GABRB1: variants seen among roughly 807,000 people sequenced by gnomAD.
GABRB1 encodes gamma-aminobutyric acid type A receptor subunit beta1.
Under a neutral mutation model 51.6 loss-of-function variants are expected in GABRB1, and 17 were observed. The observed-to-expected ratio is 0.33, with a 90% CI of 0.23 to 0.49. The LOEUF (loss-of-function observed/expected upper bound fraction) is 0.49, where lower values mean the gene tolerates loss of function less well. Among genes scored for constraint, GABRB1 ranks in the 20% least tolerant of loss-of-function variants. GABRB1 has a pLI of 0.99. For missense variants in GABRB1, 410 were observed against 600.6 expected, an observed-to-expected ratio of 0.68 and a Z score of 3.32; for synonymous variants, 247 against 218.9, an observed-to-expected ratio of 1.13 and a Z score of -1.14.
Position 47,392,603 on chromosome 4 carries a change from A to C in GABRB1, c.545-10715A>C, listed in dbSNP as rs181885931. ...TAGATCTGCCCGCCTTGGCCTCCCA[A>C]AGTGTTGGGATTACAGGCGTGAGCC... On this transcript the variant is annotated intron_variant, in intron 5 of 8. Transcript: ENST00000295454. Among the ~76,000 whole-genome samples the C allele has an allele frequency of 3.5e-3, 537 of 152,140 alleles. 2 individuals carry two copies. The highest frequency in any genetic ancestry group is 5.8e-3 in the Non-Finnish European group (392 of 67,992).
intron 4 of GABRB1, among the ~76,000 whole-genome samples, chr4:47,305,515 A>G (rs1724433284): frequency 6.6e-6 from 1 of 152,120 alleles, no homozygotes. Flanking sequence ...TCTGTGTCAG[A>G]CACTGAGCTG....
chr4:47,368,856 G>A (rs777993758), intron 5 of GABRB1, among the ~76,000 whole-genome samples: 2 of 151,894 alleles, frequency 1.3e-5, no homozygotes, highest in Admixed American at 6.6e-5. Context: ...GCCTGTAATC[G>A]CAACACTTTG....
intron 8 of GABRB1, among the ~76,000 whole-genome samples, chr4:47,422,866 G>C (rs958312995): frequency 6.6e-6 from 1 of 152,098 alleles, no homozygotes; most frequent in Admixed American, 6.5e-5. Context: ...AGCCTAACAG[G>C]CTGACAGTTT....
intron 4 of GABRB1, among the ~76,000 whole-genome samples, chr4:47,252,296 TG>T (rs569496987): frequency 1.3e-5 from 2 of 151,874 alleles, no homozygotes; most frequent in East Asian, 2.0e-4. Context: ...GTTTCTCCAG[TG>T]GGGGGTGTTT....
At chr4:47,334,870 A>G (rs970760532) in intron 5 of GABRB1, among the ~76,000 whole-genome samples, 10 of 152,172 alleles carry the variant, frequency 6.6e-5, no homozygotes, top group African/African-American at 2.4e-4. Flanking sequence ...GATGTGTTAA[A>G]GCTCTAGCTT....
At chr4:47,180,706 C>T (rs1718906736) in intron 4 of GABRB1, among the ~76,000 whole-genome samples, 2 of 151,932 alleles carry the variant, frequency 1.3e-5, no homozygotes, top group African/African-American at 4.8e-5. Context: ...ATAGCTGTTG[C>T]AATAATAGCC....
At chr4:47,131,212 T>G (rs763277984) in intron 3 of GABRB1, among the ~76,000 whole-genome samples, 2 of 151,906 alleles carry the variant, frequency 1.3e-5, no homozygotes, top group Non-Finnish European at 1.5e-5. Flanking sequence ...CAGGCTGGAG[T>G]GCAGTGGCGC....
At chr4:47,252,697 G>A (rs1029132252) in intron 4 of GABRB1, among the ~76,000 whole-genome samples, 5 of 151,512 alleles carry the variant, frequency 3.3e-5, no homozygotes, top group Admixed American at 1.3e-4. Flanking sequence ...TAGTAGAGAC[G>A]GGCTTTCACC....
At chr4:47,014,005 T>G (rs1724662531) in intron 1 of GABRB1, among the ~76,000 whole-genome samples, 1 of 152,186 alleles carries the variant, frequency 6.6e-6, no homozygotes. Context: ...TTTGTCCCAT[T>G]TATTTTAATT....
chr4:47,374,840 A>G (rs1409750939), intron 5 of GABRB1, among the ~76,000 whole-genome samples: 1 of 152,216 alleles, frequency 6.6e-6, no homozygotes, highest in East Asian at 1.9e-4. Flanking sequence ...CATGGTAGGA[A>G]AAGAAGCCAA....
intron 3 of GABRB1, among the ~76,000 whole-genome samples, chr4:47,152,393 G>A (rs1217941888): frequency 6.6e-6 from 1 of 151,936 alleles, no homozygotes; most frequent in African/African-American, 2.4e-5. Flanking sequence ...AATCTAGTGG[G>A]ACTGAGAAAT....
chr4:47,291,422 T>G (rs536493687), intron 4 of GABRB1, among the ~76,000 whole-genome samples: 1 of 152,208 alleles, frequency 6.6e-6, no homozygotes, highest in South Asian at 2.1e-4. Flanking sequence ...GGAAATGTGG[T>G]GTCGGAGCCC....
chr4:47,319,804 T>A lies in GABRB1; in HGVS notation c.462-323T>A, dbSNP rs1037093828. 3.3e-5 allele frequency among the ~76,000 whole-genome samples: 5 copies of A among 152,304 alleles called. No homozygotes were observed. The East Asian group carries it at 9.6e-4, about 29-fold the overall frequency. On this transcript the variant is annotated intron_variant, in intron 4 of 8. Transcript: ENST00000295454. ...TTGGTAGACCTCATCCATGAAACCA[T>A]CTGGCCCTGGGCTTTTCTTTGTTGG...
chr4:47,366,557 C>T (rs774104054), intron 5 of GABRB1, among the ~76,000 whole-genome samples: 2 of 152,096 alleles, frequency 1.3e-5, no homozygotes, highest in African/African-American at 4.8e-5. Context: ...AATCTGGCTC[C>T]AAACTGAGTC....
At chr4:47,097,338 A>G (rs1714493919) in intron 3 of GABRB1, among the ~76,000 whole-genome samples, 1 of 152,108 alleles carries the variant, frequency 6.6e-6, no homozygotes. Context: ...TGGTGTCTCT[A>G]CACGGAAAAA....
intron 5 of GABRB1, among the ~76,000 whole-genome samples, chr4:47,370,443 C>T (rs999390855): frequency 2.0e-5 from 3 of 151,100 alleles, no homozygotes; most frequent in South Asian, 2.1e-4. Flanking sequence ...GCTGAGATCG[C>T]GCCACTGCAT....
intron 3 of GABRB1, among the ~76,000 whole-genome samples, chr4:47,118,750 C>T (rs1262977202): frequency 6.6e-6 from 1 of 152,108 alleles, no homozygotes; most frequent in Admixed American, 6.5e-5. Context: ...ACATATATAT[C>T]TCTCAATACC....
chr4:47,091,135 A>G lies in GABRB1; in HGVS notation c.240+58651A>G, dbSNP rs550639021. ...AAGAAGAGGGCTGTTTGCTACCAGC[A>G]TCTAATGAGTAGAGGCAAGGATACT... On this transcript the variant is annotated intron_variant, in intron 3 of 8. Transcript: ENST00000295454. Among the ~76,000 whole-genome samples, 19 of 150,756 alleles carry G rather than the reference A, an allele frequency of 1.3e-4. No homozygotes were observed. The South Asian group carries it at 3.9e-3, about 31-fold the overall frequency.
chr4:47,339,194 G>C (rs1013767714), intron 5 of GABRB1, among the ~76,000 whole-genome samples: 8 of 152,308 alleles, frequency 5.3e-5, no homozygotes, highest in South Asian at 2.1e-4. Flanking sequence ...AATCCAGGTG[G>C]AAGAATTGAG....
Sources: gnomAD v4.1 joint callset for allele counts (sites outside exome capture counted in the v4.1 genomes callset) on GRCh38, gnomAD v4.1.1 for gene constraint, MANE v1.5 for transcripts, NCBI Gene and HGNC (gene_info 2026-07-23, HGNC 2026-07-21) for gene names.